AUTS2: variants seen among roughly 807,000 people sequenced by gnomAD.
AUTS2 encodes autism susceptibility gene 2 protein.
AUTS2 carries 17 observed loss-of-function variants against 112.4 expected under a neutral mutation model. The ratio of observed to expected loss-of-function variants is 0.15; its 90% confidence interval spans 0.10 to 0.23. AUTS2 has a LOEUF of 0.23. AUTS2 is among the 10% of genes least tolerant of loss of function. The pLI is 1.00. For synonymous variants in AUTS2, 751 were observed against 702.7 expected (o/e 1.07, Z -1.09); for missense variants, 1,510 against 1,701.6 (o/e 0.89, Z 1.98).
intron 5 of AUTS2, among the ~76,000 whole-genome samples, chr7:70,659,481 C>G (rs981916647): frequency 6.6e-6 from 1 of 152,186 alleles, no homozygotes; most frequent in African/African-American, 2.4e-5. Context: ...ACGGCTGTGT[C>G]ACTTCCTGGC....
At chr7:70,407,874 G>A (rs1048994467) in intron 4 of AUTS2, among the ~76,000 whole-genome samples, 1 of 152,024 alleles carries the variant, frequency 6.6e-6, no homozygotes, top group Non-Finnish European at 1.5e-5. Flanking sequence ...CTAACACGGT[G>A]AAACCCCGTC....
At chr7:69,744,958 CAAGG>C (rs1787426709) in intron 1 of AUTS2, among the ~76,000 whole-genome samples, 1 of 152,196 alleles carries the variant, frequency 6.6e-6, no homozygotes, top group Admixed American at 6.5e-5. Flanking sequence ...AAGTGCTTCT[CAAGG>C]AATGTCTTTT....
intron 1 of AUTS2, among the ~76,000 whole-genome samples, chr7:69,733,818 T>A (rs1786908164): frequency 6.6e-6 from 1 of 152,140 alleles, no homozygotes; most frequent in Non-Finnish European, 1.5e-5. Flanking sequence ...AAAACACACT[T>A]CCTTATCTTC....
At chr7:69,901,670 T>C (rs1794975641) in intron 2 of AUTS2, among the ~76,000 whole-genome samples, 1 of 152,164 alleles carries the variant, frequency 6.6e-6, no homozygotes, top group Non-Finnish European at 1.5e-5. Flanking sequence ...TTTGGCCCTA[T>C]GTAAAACTTT....
At chr7:69,836,825 TTGACCGCTATAG>T (rs1315778507) in intron 1 of AUTS2, among the ~76,000 whole-genome samples, 1 of 152,218 alleles carries the variant, frequency 6.6e-6, no homozygotes, top group African/African-American at 2.4e-5. Flanking sequence ...AAAAGAGGTA[TTGACCGCTATAG>T]TGTGTGTGAA....
chr7:69,992,964 G>T (rs187956608), intron 2 of AUTS2, among the ~76,000 whole-genome samples: 7 of 152,312 alleles, frequency 4.6e-5, no homozygotes, highest in Non-Finnish European at 1.0e-4. Flanking sequence ...ATGTAAATTG[G>T]TGGCACATCT....
At chr7:69,817,390 T>C (rs1049924150) in intron 1 of AUTS2, among the ~76,000 whole-genome samples, 1 of 152,066 alleles carries the variant, frequency 6.6e-6, no homozygotes, top group Non-Finnish European at 1.5e-5. Context: ...TGTGCAGGGG[T>C]TTTATGGGTA....
chr7:69,916,101 A>C (rs1036630790), intron 2 of AUTS2, among the ~76,000 whole-genome samples: 1 of 152,232 alleles, frequency 6.6e-6, no homozygotes, highest in Admixed American at 6.5e-5. Flanking sequence ...TCAGGAGTAG[A>C]TTATAGAGCT....
At chr7:69,837,756 C>T (rs1250990415) in intron 1 of AUTS2, among the ~76,000 whole-genome samples, 1 of 152,160 alleles carries the variant, frequency 6.6e-6, no homozygotes, top group Non-Finnish European at 1.5e-5. Flanking sequence ...CTGGTATCAT[C>T]GATTATGCTT....
chr7:69,769,865 G>A (rs1171982854), intron 1 of AUTS2, among the ~76,000 whole-genome samples: 1 of 152,224 alleles, frequency 6.6e-6, no homozygotes, highest in African/African-American at 2.4e-5. Flanking sequence ...ACTTCACGGG[G>A]TTGTTGTGAA....
chr7:70,769,571 G>C (rs960799402), intron 10 of AUTS2, among the ~76,000 whole-genome samples: 2 of 152,206 alleles, frequency 1.3e-5, no homozygotes, highest in Non-Finnish European at 2.9e-5. Context: ...TGTAGTCCCA[G>C]CTACTCGGGA....
intron 5 of AUTS2, among the ~76,000 whole-genome samples, chr7:70,549,918 ATTG>A (rs1338633865): frequency 1.3e-5 from 2 of 152,188 alleles, no homozygotes; most frequent in Non-Finnish European, 2.9e-5. Flanking sequence ...ATGTCTACCT[ATTG>A]TTTTAAAAAG....
intron 2 of AUTS2, 79 bp from the exon 3 acceptor site, chr7:70,118,053 C>A (rs1584748628): frequency 6.7e-7 from 1 of 1,485,026 alleles, no homozygotes; most frequent in South Asian, 1.5e-5. Flanking sequence ...TGGCTGTTCA[C>A]TCTTGACAAG....
chr7:70,357,644 G>A lies in AUTS2; in HGVS notation c.661-78108G>A, dbSNP rs956208306. On this transcript the variant is annotated intron_variant, in intron 4 of 18. Transcript: ENST00000342771. ...CTATGTGTTTTACCTGTAAACGCAC[G>A]GCCTTTTTAAGTGTGGAAGGGAATG... is the stretch of plus-strand genomic sequence containing the variant. Among the ~76,000 whole-genome samples the A allele has an allele frequency of 5.9e-5, 9 of 152,196 alleles. No individual in the cohort carries two copies. In the East Asian group the frequency reaches 9.7e-4, roughly 16 times the overall value.
chr7:70,594,461 C>T (rs1803098141), intron 5 of AUTS2, among the ~76,000 whole-genome samples: 2 of 152,158 alleles, frequency 1.3e-5, no homozygotes, highest in Admixed American at 1.3e-4. Flanking sequence ...CATTGGTGAG[C>T]TGGCTCAACT....
chr7:70,036,137 G>A (rs1051174326), intron 2 of AUTS2, among the ~76,000 whole-genome samples: 4 of 152,212 alleles, frequency 2.6e-5, no homozygotes, highest in African/African-American at 9.6e-5. Context: ...GGTTTGAGAG[G>A]CAAAGCAGCA....
At chr7:69,868,156 C>A (rs1218806065) in intron 1 of AUTS2, among the ~76,000 whole-genome samples, 1 of 152,050 alleles carries the variant, frequency 6.6e-6, no homozygotes, top group African/African-American at 2.4e-5. Context: ...AATTATGAAA[C>A]AGTTTGTGCA....
chr7:70,247,950 A>T (rs1813012015), intron 4 of AUTS2, among the ~76,000 whole-genome samples: 2 of 152,132 alleles, frequency 1.3e-5, no homozygotes, highest in Non-Finnish European at 2.9e-5. Context: ...TTTATCATGA[A>T]TGACTGTCAG....
At chr7:69,883,192 CT>C (rs1794131035) in intron 1 of AUTS2, among the ~76,000 whole-genome samples, 1 of 151,786 alleles carries the variant, frequency 6.6e-6, no homozygotes, top group African/African-American at 2.4e-5. Context: ...AATGAAGCTT[CT>C]ATGGTGGGAA....
Sources: allele counts gnomAD v4.1 joint callset (sites outside exome capture counted in the v4.1 genomes callset), GRCh38; gene constraint gnomAD v4.1.1; transcripts MANE v1.5; gene names NCBI Gene and HGNC (gene_info 2026-07-23, HGNC 2026-07-21).